LARGE1: variants seen among roughly 807,000 people sequenced by gnomAD.
The protein encoded by LARGE1 is xylosyl- and glucuronyltransferase LARGE1.
Under a neutral mutation model 87.6 loss-of-function variants are expected in LARGE1, and 43 were observed. The ratio of observed to expected loss-of-function variants is 0.49; its 90% confidence interval spans 0.38 to 0.63. The LOEUF (loss-of-function observed/expected upper bound fraction) is 0.63, where lower values mean the gene tolerates loss of function less well. Among genes scored for constraint, LARGE1 ranks in the 30% least tolerant of loss-of-function variants. LARGE1 has a pLI of 0.00. For missense variants in LARGE1, 802 were observed against 1,000.2 expected, an observed-to-expected ratio of 0.80 and a Z score of 2.67; for synonymous variants, 434 against 394.6, an observed-to-expected ratio of 1.10 and a Z score of -1.18.
intron 6 of LARGE1, among the ~76,000 whole-genome samples, chr22:33,528,033 GA>G (rs989465403): frequency 7.4e-6 from 1 of 135,386 alleles, no homozygotes; most frequent in Non-Finnish European, 1.5e-5. Context: ...GATTAAACGA[GA>G]AAAAAACCCA....
At chr22:33,706,332 C>T (rs1230358731) in intron 2 of LARGE1, among the ~76,000 whole-genome samples, 1 of 152,180 alleles carries the variant, frequency 6.6e-6, no homozygotes, top group Non-Finnish European at 1.5e-5. Context: ...CAAGAGGGAC[C>T]TCGTCAGGGC....
intron 6 of LARGE1, among the ~76,000 whole-genome samples, chr22:33,438,248 C>T (rs931675088): frequency 6.6e-6 from 1 of 152,060 alleles, no homozygotes; most frequent in Non-Finnish European, 1.5e-5. Flanking sequence ...CAGGGGATTC[C>T]TTGGGGGAGA....
At chr22:33,374,458 T>C (rs2064928426) in intron 9 of LARGE1, among the ~76,000 whole-genome samples, 1 of 152,230 alleles carries the variant, frequency 6.6e-6, no homozygotes, top group South Asian at 2.1e-4. Flanking sequence ...AGTTTCTCTA[T>C]CGTCTTTTGA....
chr22:33,240,129 G>A (rs1926445564), intron 11 of LARGE1, among the ~76,000 whole-genome samples: 1 of 152,108 alleles, frequency 6.6e-6, no homozygotes, highest in Admixed American at 6.5e-5. Context: ...ATGTATGAGA[G>A]TTCCAGTTGC....
chr22:33,257,295 G>A (rs1475880959), intron 11 of LARGE1, among the ~76,000 whole-genome samples: 2 of 152,188 alleles, frequency 1.3e-5, no homozygotes, highest in Non-Finnish European at 2.9e-5. Context: ...CACTTTGGGA[G>A]GTGGAGGTGG....
intron 12 of LARGE1, among the ~76,000 whole-genome samples, chr22:33,303,725 G>C (rs1387409987): frequency 1.3e-5 from 2 of 151,874 alleles, no homozygotes; most frequent in Admixed American, 1.3e-4. Flanking sequence ...TGGTTCAAGA[G>C]ATTCTCCTGC....
intron 1 of LARGE1, among the ~76,000 whole-genome samples, chr22:33,820,190 C>A (rs1224835560): frequency 2.0e-5 from 3 of 152,152 alleles, no homozygotes; most frequent in Non-Finnish European, 4.4e-5. Flanking sequence ...AATAGTTATG[C>A]TGATTAAATA....
chr22:33,718,365 G>C (rs2082974664), intron 2 of LARGE1, among the ~76,000 whole-genome samples: 1 of 152,224 alleles, frequency 6.6e-6, no homozygotes, highest in Admixed American at 6.5e-5. Flanking sequence ...ACCAATTTAT[G>C]AGAGGAACTA....
intron 10 of LARGE1, among the ~76,000 whole-genome samples, chr22:33,319,652 T>A (rs1388559619): frequency 1.3e-5 from 2 of 152,096 alleles, no homozygotes; most frequent in African/African-American, 4.8e-5. Flanking sequence ...CACCGAACCC[T>A]CCCAAAGTGT....
chr22:33,880,253 C>T (rs967368523), intron 1 of LARGE1, among the ~76,000 whole-genome samples: 2 of 152,126 alleles, frequency 1.3e-5, no homozygotes, highest in African/African-American at 4.8e-5. Flanking sequence ...CATATTTTTC[C>T]AAGTATCTGG....
chr22:33,095,354 C>T, the LARGE1 span, among the ~76,000 whole-genome samples: 1 of 152,204 alleles, frequency 6.6e-6, no homozygotes, highest in Non-Finnish European at 1.5e-5. Flanking sequence ...TCACTTCAAC[C>T]TCTGCTTCTG....
chr22:33,774,455 G>T (rs976500107), intron 1 of LARGE1, among the ~76,000 whole-genome samples: 5 of 152,194 alleles, frequency 3.3e-5, no homozygotes, highest in African/African-American at 1.2e-4. Flanking sequence ...CTCCCGGGTT[G>T]AAGCAATTCT....
chr22:33,322,966 C>CA (rs1936895469), intron 10 of LARGE1, among the ~76,000 whole-genome samples: 2 of 152,038 alleles, frequency 1.3e-5, no homozygotes, highest in Admixed American at 6.6e-5. Context: ...ACTAAAAATA[C>CA]AAAAAATTAG....
chr22:33,696,198 C>T (rs2149353525), intron 2 of LARGE1, among the ~76,000 whole-genome samples: 1 of 152,042 alleles, frequency 6.6e-6, no homozygotes, highest in South Asian at 2.1e-4. Flanking sequence ...ACTACAACTG[C>T]AACTGAAGGG....
intron 11 of LARGE1, among the ~76,000 whole-genome samples, chr22:33,259,515 GAC>G (rs143499509): frequency 6.6e-6 from 1 of 150,882 alleles, no homozygotes; most frequent in Non-Finnish European, 1.5e-5. Flanking sequence ...TGTGTGCATG[GAC>G]ACACACACAC....
At chr22:33,086,071 G>A in the LARGE1 span, among the ~76,000 whole-genome samples, 2 of 152,038 alleles carry the variant, frequency 1.3e-5, no homozygotes, top group Non-Finnish European at 2.9e-5. Flanking sequence ...GTGCACATGA[G>A]GCCTTTCACA....
At position 33,339,154 on chromosome 22, in the gene LARGE1, T is replaced by C. The variant is rs200511302; in HGVS notation, c.1132-1353A>G. On this transcript the variant is annotated intron_variant, in intron 9 of 14. Coordinates refer to ENST00000397394, the MANE Select transcript of LARGE1 (RefSeq NM_133642.5). Reference sequence around the variant, plus strand: ...CAAAGCGAGACTCCGTCTCAAAAAATAAAAAAAAAAAAAAAAAAAGAAGAA... The same window carrying C: ...CAAAGCGAGACTCCGTCTCAAAAAACAAAAAAAAAAAAAAAAAAAGAAGAA... Among the ~76,000 whole-genome samples the C allele has an allele frequency of 9.1e-5, 9 of 98,998 alleles. No homozygotes were observed. The Admixed American group carries it at 1.1e-3, about 12-fold the overall frequency. 64.9% of individuals were successfully genotyped at this position (98,998 alleles called of 152,430 possible).
At chr22:33,124,147 C>CA in the LARGE1 span, among the ~76,000 whole-genome samples, 24 of 152,030 alleles carry the variant, frequency 1.6e-4, no homozygotes, top group African/African-American at 5.8e-4. Flanking sequence ...ATTAGCCAGG[C>CA]ATGGTGGTGG....
At chr22:33,388,989 A>G (rs2065421471) in intron 7 of LARGE1, among the ~76,000 whole-genome samples, 1 of 152,238 alleles carries the variant, frequency 6.6e-6, no homozygotes, top group African/African-American at 2.4e-5. Flanking sequence ...TTAGGATTCA[A>G]TGTGATGACT....
Sources: gnomAD v4.1 joint callset for allele counts (sites outside exome capture counted in the v4.1 genomes callset) on GRCh38, gnomAD v4.1.1 for gene constraint, MANE v1.5 for transcripts, NCBI Gene and HGNC (gene_info 2026-07-23, HGNC 2026-07-21) for gene names.